MYO16: variants seen among roughly 807,000 people sequenced by gnomAD.
The protein encoded by MYO16 is unconventional myosin-XVI.
A neutral mutation model predicts 205.3 loss-of-function variants in MYO16; 94 were observed. The ratio of observed to expected loss-of-function variants is 0.46; its 90% confidence interval spans 0.39 to 0.54. MYO16 has a LOEUF of 0.54. MYO16 is among the 20% of genes least tolerant of loss of function. The pLI is 0.00. For synonymous variants in MYO16, 988 were observed against 954.0 expected (o/e 1.04, Z -0.66); for missense variants, 2,315 against 2,387.5 (o/e 0.97, Z 0.63).
the MYO16 span, among the ~76,000 whole-genome samples, chr13:108,539,548 C>G: frequency 6.6e-6 from 1 of 152,094 alleles, no homozygotes. Flanking sequence ...TTACGATCTG[C>G]TAAATAGTAG....
chr13:108,863,370 T>C (rs1010795533), intron 11 of MYO16, among the ~76,000 whole-genome samples: 4 of 152,182 alleles, frequency 2.6e-5, no homozygotes, highest in Non-Finnish European at 4.4e-5. Context: ...AGTCCCATTA[T>C]ATTCATGATT....
intron 19 of MYO16, among the ~76,000 whole-genome samples, chr13:108,964,159 C>T (rs1016714694): frequency 6.6e-6 from 1 of 152,192 alleles, no homozygotes; most frequent in Non-Finnish European, 1.5e-5. Flanking sequence ...AGCCCTCCTG[C>T]AACAGTGATG....
intron 10 of MYO16, among the ~76,000 whole-genome samples, chr13:108,853,282 G>A (rs1198160911): frequency 1.3e-5 from 2 of 152,074 alleles, no homozygotes; most frequent in Non-Finnish European, 2.9e-5. Context: ...AGGAAACACT[G>A]GCATAGCTGG....
chr13:108,708,139 T>C (rs958127559), intron 2 of MYO16, among the ~76,000 whole-genome samples: 14 of 152,250 alleles, frequency 9.2e-5, no homozygotes, highest in African/African-American at 2.9e-4. Context: ...AAGTTATTCT[T>C]ATACATCCTA....
At position 108,709,690 on chromosome 13, in the gene MYO16, C is replaced by A. The variant is rs1237403873; in HGVS notation, c.293-2971C>A. On this transcript the variant is annotated intron_variant, in intron 2 of 34. Transcript: ENST00000457511. ...ACAAATGATATTTTCTTCATTGTAT[C>A]TTCACATTTAGGTCTCTTACAATTC... Among the ~76,000 whole-genome samples, 2 of 135,386 alleles carry A rather than the reference C, an allele frequency of 1.5e-5. 1 individual carries two copies. Among genetic ancestry groups the A allele is most frequent in the Non-Finnish European group, 3.2e-5 (2 of 61,762 alleles). 88.8% of individuals were successfully genotyped at this position (135,386 alleles called of 152,430 possible).
intron 34 of MYO16, among the ~76,000 whole-genome samples, chr13:109,194,028 G>A (rs531300893): frequency 1.3e-5 from 2 of 152,146 alleles, no homozygotes; most frequent in African/African-American, 4.8e-5. Flanking sequence ...TATTCCAACA[G>A]CAGTAATGAC....
intron 20 of MYO16, among the ~76,000 whole-genome samples, chr13:108,983,761 T>A (rs545509636): frequency 2.6e-5 from 4 of 152,292 alleles, no homozygotes; most frequent in African/African-American, 9.6e-5. Flanking sequence ...TTGTTAAGAC[T>A]GAAGGGCATG....
At chr13:108,919,452 A>G (rs1253916913) in intron 16 of MYO16, among the ~76,000 whole-genome samples, 1 of 152,214 alleles carries the variant, frequency 6.6e-6, no homozygotes, top group Admixed American at 6.5e-5. Context: ...GGCGACAGAG[A>G]TGGCTGGGCC....
chr13:108,839,221 T>G (rs1877104516), intron 9 of MYO16, among the ~76,000 whole-genome samples: 1 of 151,952 alleles, frequency 6.6e-6, no homozygotes, highest in Non-Finnish European at 1.5e-5. Context: ...CTCCCATTAA[T>G]CCATTAACCC....
chr13:109,184,699 T>G (rs1211893462), intron 34 of MYO16, among the ~76,000 whole-genome samples: 2 of 151,188 alleles, frequency 1.3e-5, no homozygotes, highest in Non-Finnish European at 3.0e-5. Flanking sequence ...CAGGTTCAAG[T>G]GATTCTTCTG....
chr13:108,811,928 C>A (rs1260918778), intron 7 of MYO16, among the ~76,000 whole-genome samples: 1 of 152,216 alleles, frequency 6.6e-6, no homozygotes, highest in Non-Finnish European at 1.5e-5. Context: ...CTTTCCATTG[C>A]TGTTGAAATA....
intron 21 of MYO16, among the ~76,000 whole-genome samples, chr13:109,003,650 G>T (rs1414442614): frequency 1.3e-5 from 2 of 152,100 alleles, no homozygotes; most frequent in Non-Finnish European, 2.9e-5. Flanking sequence ...ATTCATACTT[G>T]GTTTCACTGC....
chr13:108,552,229 T>C, the MYO16 span, among the ~76,000 whole-genome samples: 1 of 152,134 alleles, frequency 6.6e-6, no homozygotes, highest in African/African-American at 2.4e-5. Context: ...TTCATGTACT[T>C]TTCTTGGATT....
chr13:108,768,754 C>A (rs1045985618), intron 4 of MYO16, among the ~76,000 whole-genome samples: 1 of 152,038 alleles, frequency 6.6e-6, no homozygotes, highest in Non-Finnish European at 1.5e-5. Flanking sequence ...AAATTATATT[C>A]GTCTTATGGT....
chr13:108,885,374 C>T (rs1214337653), intron 13 of MYO16, among the ~76,000 whole-genome samples: 1 of 152,102 alleles, frequency 6.6e-6, no homozygotes, highest in Non-Finnish European at 1.5e-5. Flanking sequence ...CCTGCCTCGG[C>T]CTGCCAAAGT....
At chr13:108,531,244 C>T in the MYO16 span, among the ~76,000 whole-genome samples, 4 of 152,138 alleles carry the variant, frequency 2.6e-5, no homozygotes, top group African/African-American at 4.8e-5. Flanking sequence ...TGTCTTTGTT[C>T]TTAGAGAAAT....
At chr13:108,876,445 C>T (rs1879330194) in intron 12 of MYO16, among the ~76,000 whole-genome samples, 1 of 151,972 alleles carries the variant, frequency 6.6e-6, no homozygotes, top group Non-Finnish European at 1.5e-5. Flanking sequence ...TATATGATGT[C>T]TTAGATAGAT....
chr13:108,567,807 C>T, the MYO16 span, among the ~76,000 whole-genome samples: 1 of 152,074 alleles, frequency 6.6e-6, no homozygotes, highest in Admixed American at 6.6e-5. Context: ...CCCCACTACC[C>T]ACCCCCCTGA....
chr13:108,997,753 G>A (rs986086930), intron 21 of MYO16, among the ~76,000 whole-genome samples: 4 of 152,142 alleles, frequency 2.6e-5, no homozygotes, highest in Non-Finnish European at 5.9e-5. Flanking sequence ...CAGGAGAATC[G>A]CTTGAAACCA....
Sources: gnomAD v4.1 joint callset for allele counts (sites outside exome capture counted in the v4.1 genomes callset) on GRCh38, gnomAD v4.1.1 for gene constraint, MANE v1.5 for transcripts, NCBI Gene and HGNC (gene_info 2026-07-23, HGNC 2026-07-21) for gene names.